The following PTPRT variants were observed in gnomAD, a reference collection of about 807,000 sequenced individuals.
PTPRT encodes the protein receptor-type tyrosine-protein phosphatase T.
Under a neutral mutation model 176.8 loss-of-function variants are expected in PTPRT, and 56 were observed. That is an observed-to-expected ratio of 0.32 (90% CI 0.26 to 0.40). The LOEUF (loss-of-function observed/expected upper bound fraction) is 0.40. PTPRT is among the 10% of genes least tolerant of loss of function. The pLI, the probability that PTPRT is intolerant of heterozygous loss-of-function variation, is 1.00. For synonymous variants in PTPRT, 783 were observed against 739.0 expected, an observed-to-expected ratio of 1.06 and a Z score of -0.96; for missense variants, 1,540 against 1,908.2, an observed-to-expected ratio of 0.81 and a Z score of 3.60.
At chr20:42,723,674 G>A (rs1600663817) in intron 6 of PTPRT, among the ~76,000 whole-genome samples, 1 of 152,196 alleles carries the variant, frequency 6.6e-6, no homozygotes, top group East Asian at 1.9e-4. Flanking sequence ...CCAACTGTGT[G>A]TTTCTAAATT....
intron 1 of PTPRT, among the ~76,000 whole-genome samples, chr20:42,906,842 C>T (rs1325502401): frequency 2.0e-5 from 3 of 152,102 alleles, no homozygotes; most frequent in African/African-American, 7.2e-5. Flanking sequence ...CAGACTACCT[C>T]TGTTACACTC....
chr20:42,408,557 C>T (rs2058982733), intron 9 of PTPRT, among the ~76,000 whole-genome samples: 1 of 151,348 alleles, frequency 6.6e-6, no homozygotes, highest in African/African-American at 2.4e-5. Context: ...TTCAAAACAA[C>T]TAACCTTTAG....
At chr20:42,136,644 C>T (rs532393973) in intron 18 of PTPRT, among the ~76,000 whole-genome samples, 1 of 152,250 alleles carries the variant, frequency 6.6e-6, no homozygotes, top group South Asian at 2.1e-4. Context: ...AAGAGAGGAC[C>T]ACCTGTGTCC....
At chr20:42,873,690 A>G (rs2078882709) in intron 2 of PTPRT, among the ~76,000 whole-genome samples, 1 of 114,914 alleles carries the variant, frequency 8.7e-6, no homozygotes, top group African/African-American at 2.6e-5. Context: ...TTTTCATACT[A>G]AGTTTTTGAA....
At chr20:42,956,161 T>G (rs1352318118) in intron 1 of PTPRT, among the ~76,000 whole-genome samples, 1 of 151,542 alleles carries the variant, frequency 6.6e-6, no homozygotes, top group African/African-American at 2.4e-5. Context: ...TAGTATGGGG[T>G]TTTTCCAAGC....
intron 17 of PTPRT, among the ~76,000 whole-genome samples, chr20:42,158,979 C>T (rs1374019786): frequency 3.3e-5 from 5 of 152,152 alleles, no homozygotes; most frequent in Admixed American, 6.5e-5. Flanking sequence ...GGGATGAATG[C>T]TTTAAAAGAA....
intron 5 of PTPRT, among the ~76,000 whole-genome samples, chr20:42,760,191 C>T (rs1250955470): frequency 3.3e-5 from 5 of 152,072 alleles, no homozygotes; most frequent in East Asian, 3.9e-4. Flanking sequence ...CTTTAGCAGC[C>T]GACATGCCCA....
intron 1 of PTPRT, among the ~76,000 whole-genome samples, chr20:43,019,567 T>C (rs1411558113): frequency 7.0e-6 from 1 of 141,890 alleles, no homozygotes; most frequent in African/African-American, 2.7e-5. Context: ...TGCAGTGAGC[T>C]GAGATCACAC....
At chr20:42,495,151 CT>C (rs1568928257) in intron 7 of PTPRT, among the ~76,000 whole-genome samples, 4 of 152,172 alleles carry the variant, frequency 2.6e-5, no homozygotes, top group Non-Finnish European at 5.9e-5. Flanking sequence ...AACGTCCCCA[CT>C]TATAGATGAA....
At chr20:42,144,268 G>A (rs1051357428) in intron 17 of PTPRT, among the ~76,000 whole-genome samples, 1 of 152,204 alleles carries the variant, frequency 6.6e-6, no homozygotes, top group Non-Finnish European at 1.5e-5. Context: ...GGGGAGGTAA[G>A]AATTAAGTGT....
At chr20:42,868,060 G>A (rs2078780794) in intron 2 of PTPRT, among the ~76,000 whole-genome samples, 1 of 152,176 alleles carries the variant, frequency 6.6e-6, no homozygotes, top group Non-Finnish European at 1.5e-5. Flanking sequence ...GAAGTAGAGT[G>A]TTGTAACAAA....
intron 7 of PTPRT, among the ~76,000 whole-genome samples, chr20:42,505,441 A>T (rs1174286651): frequency 6.6e-6 from 1 of 152,038 alleles, no homozygotes; most frequent in East Asian, 1.9e-4. Context: ...AGCTGGGATT[A>T]CAGGCGCCCA....
At chr20:43,186,621 A>G (rs1305670022) in intron 1 of PTPRT, among the ~76,000 whole-genome samples, 2 of 152,346 alleles carry the variant, frequency 1.3e-5, no homozygotes, top group East Asian at 3.9e-4. Context: ...GCAAGAAGAA[A>G]TTAAGTTGAG....
At chr20:42,176,757 T>C (rs1172080137) in intron 16 of PTPRT, among the ~76,000 whole-genome samples, 1 of 152,226 alleles carries the variant, frequency 6.6e-6, no homozygotes. Flanking sequence ...GTTTTTACAA[T>C]CTTCAGCCTG....
chr20:42,325,093 G>A (rs943428640), intron 11 of PTPRT, among the ~76,000 whole-genome samples: 2 of 152,120 alleles, frequency 1.3e-5, no homozygotes, highest in Non-Finnish European at 2.9e-5. Flanking sequence ...AGCTCAGAGT[G>A]GAGAAATAAT....
intron 1 of PTPRT, among the ~76,000 whole-genome samples, chr20:43,024,309 G>C (rs1391000248): frequency 6.6e-6 from 1 of 152,076 alleles, no homozygotes; most frequent in African/African-American, 2.4e-5. Context: ...TTTAATATTA[G>C]TATCAGTGTT....
chr20:42,796,948 T>C (rs987697916), intron 2 of PTPRT, among the ~76,000 whole-genome samples: 4 of 152,256 alleles, frequency 2.6e-5, no homozygotes, highest in Non-Finnish European at 5.9e-5. Context: ...TCTCATATTG[T>C]GGCCTCATGT....
intron 2 of PTPRT, among the ~76,000 whole-genome samples, chr20:42,884,094 G>A (rs866471069): frequency 7.9e-5 from 12 of 152,188 alleles, no homozygotes; most frequent in South Asian, 2.1e-4. Context: ...GATTCTTGGG[G>A]TCCCTAATGG....
intron 5 of PTPRT, among the ~76,000 whole-genome samples, chr20:42,762,072 G>T (rs1340327896): frequency 6.6e-6 from 1 of 152,200 alleles, no homozygotes; most frequent in Non-Finnish European, 1.5e-5. Context: ...TAGAAGCCCA[G>T]ATGCCTAGCA....
Sources: gnomAD v4.1 joint callset for allele counts (sites outside exome capture counted in the v4.1 genomes callset) on GRCh38, gnomAD v4.1.1 for gene constraint, MANE v1.5 for transcripts, NCBI Gene and HGNC (gene_info 2026-07-23, HGNC 2026-07-21) for gene names.